TASOR2: variants seen among roughly 807,000 people sequenced by gnomAD.
The protein encoded by TASOR2 is transcription activation suppressor family member 2, also known as protein TASOR 2.
TASOR2 carries 84 observed loss-of-function variants against 199.5 expected under a neutral mutation model. The ratio of observed to expected loss-of-function variants is 0.42; its 90% CI spans 0.35 to 0.50. TASOR2 has a LOEUF of 0.50. Among genes scored for constraint, TASOR2 ranks in the 20% least tolerant of loss-of-function variants. The pLI is 0.02. For missense variants in TASOR2, 2,796 were observed against 2,835.9 expected (o/e 0.99, Z 0.32); for synonymous variants, 1,103 against 1,046.6 (o/e 1.05, Z -1.04).
chr10:5,716,935 A>G (rs1832733503), intron 2 of TASOR2, among the ~76,000 whole-genome samples: 1 of 147,934 alleles, frequency 6.8e-6, no homozygotes, highest in South Asian at 2.1e-4. Context: ...TATAAATATA[A>G]ACATACACAT....
chr10:5,723,042 A>AC (rs1311022586), intron 6 of TASOR2, among the ~76,000 whole-genome samples: 8 of 100,068 alleles, frequency 8.0e-5, no homozygotes, highest in Non-Finnish European at 1.3e-4. Flanking sequence ...TCAGGAAATA[A>AC]CTTTTTTTTT....
Position 5,738,579 on chromosome 10 carries a change from T to C in TASOR2, c.1448-1039T>C, listed in dbSNP as rs1276321514. 6.6e-6 allele frequency among the ~76,000 whole-genome samples: 1 copy of C among 152,236 alleles called. No homozygotes were observed. The highest frequency in any genetic ancestry group is 1.5e-5 in the Non-Finnish European group (1 of 68,044). On this transcript the variant is annotated intron_variant, in intron 12 of 20. Transcript: ENST00000328090. The surrounding 1 kb of genome is among the most constrained non-coding windows in gnomAD (Gnocchi z 4.7). ...GGGCAGTCGTTGATCAGTTTAACCC[T>C]TTCCCCATGTATGTGCATGCCCTTG...
At chr10:5,721,658 A>G (rs900686385) in intron 6 of TASOR2, among the ~76,000 whole-genome samples, 1 of 152,250 alleles carries the variant, frequency 6.6e-6, no homozygotes. Flanking sequence ...GAGTGCAACT[A>G]ATAAATGTGG....
Position 5,727,798 on chromosome 10 carries a change from A to G in TASOR2, c.487+675A>G, listed in dbSNP as rs577107105. ...TCACCTTAGACTCCTATGCTTATTTATCATTCATATAGTTTAAATATTTAT... is the reference window on the plus strand; with the variant it reads ...TCACCTTAGACTCCTATGCTTATTTGTCATTCATATAGTTTAAATATTTAT... On this transcript the variant is annotated intron_variant, in intron 10 of 20. Transcript: ENST00000328090. 6.6e-5 allele frequency among the ~76,000 whole-genome samples: 10 copies of G among 152,322 alleles called. No homozygotes were observed. The South Asian group carries it at 1.9e-3, about 28-fold the overall frequency.
At chr10:5,756,261 C>T (rs1437287950) in intron 15 of TASOR2, among the ~76,000 whole-genome samples, 1 of 152,138 alleles carries the variant, frequency 6.6e-6, no homozygotes, top group African/African-American at 2.4e-5. Flanking sequence ...TTTTTTAAAG[C>T]TCTAGAAATG....
intron 2 of TASOR2, among the ~76,000 whole-genome samples, chr10:5,716,753 A>G (rs1389798270): frequency 6.6e-6 from 1 of 152,018 alleles, no homozygotes; most frequent in Non-Finnish European, 1.5e-5. Context: ...CGTCTCTACT[A>G]AAAATACAAA....
intron 11 of TASOR2, among the ~76,000 whole-genome samples, chr10:5,734,070 T>C (rs1015877822): frequency 5.9e-5 from 9 of 152,248 alleles, no homozygotes; most frequent in African/African-American, 2.2e-4. Flanking sequence ...ATATCATTTT[T>C]AGTGTCCTTA....
Position 5,720,521 on chromosome 10 carries a change from A to G in TASOR2, c.-99-23A>G. The G allele has an allele frequency of 6.4e-7, 1 of 1,554,070 alleles. No homozygotes were observed. Among genetic ancestry groups the G allele is most frequent in the Non-Finnish European group, 8.7e-7 (1 of 1,151,364 alleles). ...TGCAGTTCCATAGTGCTACCCTGAT[A>G]ATACTTATTTTTCCTCTTTCAGTAT... On this transcript the variant is annotated intron_variant, in intron 3 of 20. Transcript: ENST00000328090. The surrounding 1 kb of genome is among the most constrained non-coding windows in gnomAD (Gnocchi z 5.3).
chr10:5,730,905 T>G lies in TASOR2; in HGVS notation c.906T>G (p.Val302=). 6.2e-7 allele frequency: 1 copy of G among 1,614,202 alleles called. No individual in the cohort carries two copies. The highest frequency in any genetic ancestry group is 1.1e-5 in the South Asian group (1 of 91,070). Reference sequence around the variant, plus strand: ...TTTGTGATGCTGGATTTTCCTTAGTTATGACTCCAGATCCTGAATTTCTTG... The same window carrying G: ...TTTGTGATGCTGGATTTTCCTTAGTGATGACTCCAGATCCTGAATTTCTTG... The change falls in exon 11 of 21, where the codon GTT becomes GTG. Residue 302 remains valine, a synonymous_variant. Transcript: ENST00000328090. The surrounding 1 kb of genome is among the most constrained non-coding windows in gnomAD (Gnocchi z 4.1).
In TASOR2 at chr10:5,687,909, A is replaced by G. The variant is rs1368300974; in HGVS notation, c.-288+2734A>G. 6.6e-6 allele frequency among the ~76,000 whole-genome samples: 1 copy of G among 152,244 alleles called. No homozygotes were observed. The highest frequency in any genetic ancestry group is 6.5e-5 in the Admixed American group (1 of 15,284). ...TAGATATTAAAACTGATAAATTTGAAATGTATGTTTATTTATTGGTACCTT... is the reference window on the plus strand; with the variant it reads ...TAGATATTAAAACTGATAAATTTGAGATGTATGTTTATTTATTGGTACCTT... On this transcript the variant is annotated intron_variant, in intron 1 of 20. Transcript: ENST00000328090. This position sits in a 1 kb window ranked among gnomAD's most constrained non-coding sequence, Gnocchi z 4.8.
intron 1 of TASOR2, among the ~76,000 whole-genome samples, chr10:5,697,306 T>G (rs1173187459): frequency 6.6e-6 from 1 of 151,964 alleles, no homozygotes; most frequent in Non-Finnish European, 1.5e-5. Flanking sequence ...AACTTTAAAT[T>G]GTATGCAAGT....
intron 17 of TASOR2, among the ~76,000 whole-genome samples, chr10:5,758,617 G>A (rs575158135): frequency 6.6e-6 from 1 of 152,168 alleles, no homozygotes; most frequent in Non-Finnish European, 1.5e-5. Context: ...CACACAATTT[G>A]TACACAGAAC....
rs754073329 is a variant in TASOR2 at position 5,750,050 on chromosome 10, C to T, written c.6606+23C>T. 34 of 1,541,354 alleles carry T rather than the reference C, an allele frequency of 2.2e-5. 1 individual carries two copies. The highest frequency in any genetic ancestry group is 2.0e-4 in the South Asian group (16 of 78,608). On this transcript the variant is annotated intron_variant, in intron 15 of 20. Coordinates refer to ENST00000328090, the Ensembl canonical transcript of TASOR2. This position sits in a 1 kb window ranked among gnomAD's most constrained non-coding sequence, Gnocchi z 5.4. ...AAGGTAAAGTGCCAGCCACGTCTTA[C>T]GTATTATTTTAATTGCTGATTTTAG...
chr10:5,735,271 C>T (rs750691324), intron 11 of TASOR2, 33 bp from the exon 13 acceptor site: 6 of 1,600,536 alleles, frequency 3.7e-6, no homozygotes, highest in South Asian at 1.1e-5. Flanking sequence ...TGGGCCCCTA[C>T]CCCTTACAAA....
chr10:5,687,443 T>G lies in TASOR2; in HGVS notation c.-288+2268T>G, dbSNP rs924450917. ...AGTTACTTTTGTTAAACATTGTTTC[T>G]GAGATTCACTCATGTTAAAGCACGT... On this transcript the variant is annotated intron_variant, in intron 1 of 20. Coordinates refer to ENST00000328090, the Ensembl canonical transcript of TASOR2. This position sits in a 1 kb window ranked among gnomAD's most constrained non-coding sequence, Gnocchi z 4.8. Among the ~76,000 whole-genome samples, 1 of 152,254 alleles carries G rather than the reference T, an allele frequency of 6.6e-6. No homozygotes were observed. Among genetic ancestry groups the G allele is most frequent in the Non-Finnish European group, 1.5e-5 (1 of 68,048 alleles).
At chr10:5,749,766 T>C in exon 15 of TASOR2, 1 of 1,614,230 alleles carries the variant, frequency 6.2e-7, no homozygotes, top group South Asian at 1.1e-5. Context: ...TCAATGAGTA[T>C]GCTGAATTCA....
chr10:5,761,203 T>G, intron 18 of TASOR2, 87 bp from the exon 20 acceptor site: 1 of 1,154,686 alleles, frequency 8.7e-7, no homozygotes, highest in Non-Finnish European at 1.2e-6. Flanking sequence ...GAGGAACTCA[T>G]GAGTTTGAAT....
chr10:5,758,000 A>G (rs1839214284), intron 17 of TASOR2, among the ~76,000 whole-genome samples: 1 of 152,078 alleles, frequency 6.6e-6, no homozygotes, highest in Admixed American at 6.5e-5. Context: ...GCAGCTCCAT[A>G]TTAAATTGTT....
exon 15 of TASOR2, chr10:5,749,207 C>T (rs745811940): frequency 1.2e-6 from 2 of 1,614,118 alleles, no homozygotes; most frequent in South Asian, 1.1e-5. Context: ...GCCAACTTCT[C>T]TATAACAAAA....
Sources: gnomAD v4.1 joint callset for allele counts (sites outside exome capture counted in the v4.1 genomes callset) on GRCh38, gnomAD v4.1.1 for gene constraint, Gnocchi (gnomAD v3.1) non-coding constraint, MANE v1.5 for transcripts, NCBI Gene and HGNC (gene_info 2026-07-23, HGNC 2026-07-21) for gene names.